The following OSBPL1A variants were observed in gnomAD, a reference collection of about 807,000 sequenced individuals.
The protein encoded by OSBPL1A is oxysterol-binding protein-related protein 1.
Under a neutral mutation model 137.1 loss-of-function variants are expected in OSBPL1A, and 80 were observed. The ratio of observed to expected loss-of-function variants is 0.58; its 90% CI spans 0.49 to 0.70. The LOEUF (loss-of-function observed/expected upper bound fraction) is 0.70. Among genes scored for constraint, OSBPL1A ranks in the 30% least tolerant of loss-of-function variants. The pLI, the probability that OSBPL1A is intolerant of heterozygous loss-of-function variation, is 0.00. For missense variants in OSBPL1A, 970 were observed against 1,129.4 expected (o/e 0.86, Z 2.02); for synonymous variants, 365 against 389.7 (o/e 0.94, Z 0.75).
chr18:24,358,193 G>T, intron 4 of OSBPL1A: 1 of 473,858 alleles, frequency 2.1e-6, no homozygotes, highest in East Asian at 3.4e-5. Flanking sequence ...AGCAACTCCA[G>T]CCTAAGAAGG....
At chr18:24,213,101 T>C (rs531124697) in intron 17 of OSBPL1A, among the ~76,000 whole-genome samples, 13 of 152,322 alleles carry the variant, frequency 8.5e-5, no homozygotes, top group Admixed American at 3.3e-4. Flanking sequence ...CGAGGGTGAC[T>C]CAACAGCTGG....
At chr18:24,391,833 C>T (rs1034691733) in intron 1 of OSBPL1A, among the ~76,000 whole-genome samples, 5 of 152,118 alleles carry the variant, frequency 3.3e-5, no homozygotes, top group East Asian at 1.9e-4. Flanking sequence ...ATCTAAAATA[C>T]GACTGGCACA....
At chr18:24,195,175 C>T (rs903435952) in intron 18 of OSBPL1A, among the ~76,000 whole-genome samples, 1 of 152,030 alleles carries the variant, frequency 6.6e-6, no homozygotes, top group Non-Finnish European at 1.5e-5. Flanking sequence ...GCACGACGCG[C>T]CTGTGGTCCC....
rs776052699 is a variant in OSBPL1A at position 24,225,190 on chromosome 18, A to ACT, written c.1451_1452dup (p.Glu486ProfsTer5). 1 of 1,613,944 alleles carries ACT rather than the reference A, an allele frequency of 6.2e-7. No individual in the cohort carries two copies. The highest frequency in any genetic ancestry group is 2.2e-5 in the East Asian group (1 of 44,872). ...TCCAATCTACTCAGGGACCTTTCGG[A>ACT]CTCGGAATCTGTGGCAGAGCAGGTT... On this transcript the variant is annotated frameshift_variant, in exon 17 of 28. Transcript: ENST00000319481. LOFTEE classifies it high-confidence loss of function.
intron 17 of OSBPL1A, among the ~76,000 whole-genome samples, chr18:24,219,391 G>A (rs892421186): frequency 6.6e-6 from 1 of 152,122 alleles, no homozygotes; most frequent in Non-Finnish European, 1.5e-5. Flanking sequence ...TGGGAATCAA[G>A]GGTTCATTAT....
At chr18:24,367,097 A>C (rs958644698) in intron 3 of OSBPL1A, 131 bp from the exon 4 acceptor site, 5 of 713,120 alleles carry the variant, frequency 7.0e-6, no homozygotes, top group Non-Finnish European at 1.0e-5. Flanking sequence ...AATAAATTAA[A>C]TTTAAAGTAA....
chr18:24,254,549 GA>G (rs2089211096), intron 15 of OSBPL1A, among the ~76,000 whole-genome samples: 1 of 152,104 alleles, frequency 6.6e-6, no homozygotes, highest in Admixed American at 6.6e-5. Context: ...AGGAATTTTG[GA>G]AACTATACAA....
chr18:24,239,423 A>G (rs1330271061), intron 15 of OSBPL1A, 41 bp from the exon 16 acceptor site: 1 of 1,557,604 alleles, frequency 6.4e-7, no homozygotes, highest in Admixed American at 1.7e-5. Flanking sequence ...TCAGAGTGAC[A>G]GGAGACACAG....
In OSBPL1A at chr18:24,164,377, T is replaced by C. The variant is rs368567100; in HGVS notation, c.2750+688A>G. On this transcript the variant is annotated intron_variant, in intron 27 of 27. Transcript: ENST00000319481. ...AGCTCATACACTCGTAGTGAAAATA[T>C]AAATTAGTACAGCCATTATGGAAAA... Among the ~76,000 whole-genome samples the C allele has an allele frequency of 8.3e-4, 124 of 148,862 alleles. 1 individual carries two copies. In the East Asian group the frequency reaches 0.017, roughly 21 times the overall value.
At chr18:24,175,072 A>C (rs2086388617) in intron 21 of OSBPL1A, among the ~76,000 whole-genome samples, 1 of 141,564 alleles carries the variant, frequency 7.1e-6, no homozygotes, top group Non-Finnish European at 1.5e-5. Context: ...AGCCACTGCA[A>C]TCAGCTGACT....
intron 4 of OSBPL1A, among the ~76,000 whole-genome samples, chr18:24,356,537 G>A (rs1202546483): frequency 6.6e-6 from 1 of 152,126 alleles, no homozygotes; most frequent in African/African-American, 2.4e-5. Flanking sequence ...CTGGCTCACG[G>A]TGCGGGTGCT....
chr18:24,376,158 T>G (rs1230763445), intron 2 of OSBPL1A, among the ~76,000 whole-genome samples: 1 of 152,188 alleles, frequency 6.6e-6, no homozygotes, highest in East Asian at 1.9e-4. Flanking sequence ...CCTGCTGTTA[T>G]TCTCTTGTCT....
chr18:24,381,625 T>G (rs1641604329), intron 1 of OSBPL1A, among the ~76,000 whole-genome samples: 1 of 152,202 alleles, frequency 6.6e-6, no homozygotes, highest in Admixed American at 6.5e-5. Flanking sequence ...TTTTAAAATG[T>G]TAGCAATATT....
In OSBPL1A at chr18:24,303,691, C is replaced by A; in HGVS notation, c.1120G>T (p.Asp374Tyr). 6 of 1,613,500 alleles carry A rather than the reference C, an allele frequency of 3.7e-6. No individual in the cohort carries two copies. The highest frequency in any genetic ancestry group is 5.1e-6 in the Non-Finnish European group (6 of 1,179,740). ...TTGAGAAAGTTGGAAATTTCCCTAT[C>A]TAGTCGCTGTTGGCATGACTGTGCT... ...EKAQSCQQRL[D>Y]REISNFLKMI... The change falls in exon 14 of 28, where the codon GAT (aspartate) becomes TAT (tyrosine). Residue 374 changes from aspartate (D) to tyrosine (Y), a missense_variant. Asp to Tyr is a radical substitution (Grantham distance 160). Coordinates refer to ENST00000319481, the MANE Select transcript of OSBPL1A (RefSeq NM_080597.4).
At position 24,346,558 on chromosome 18, in the gene OSBPL1A, C is replaced by A. The variant is rs1003963510; in HGVS notation, c.283-4900G>T. Among the ~76,000 whole-genome samples, 4 of 152,126 alleles carry A rather than the reference C, an allele frequency of 2.6e-5. No individual in the cohort carries two copies. The South Asian group carries it at 8.3e-4, about 32-fold the overall frequency. On this transcript the variant is annotated intron_variant, in intron 4 of 27. Transcript: ENST00000319481. ...ACTCTGGACATTTCTATAAATAAAT[C>A]AAACAATATGTGGCTTTTTGTGTCT... is the stretch of plus-strand genomic sequence containing the variant.
intron 11 of OSBPL1A, among the ~76,000 whole-genome samples, chr18:24,315,453 A>G (rs2090701633): frequency 6.6e-6 from 1 of 151,614 alleles, no homozygotes; most frequent in South Asian, 2.1e-4. Context: ...CACATAGCTC[A>G]TAATCCAAAC....
intron 14 of OSBPL1A, 124 bp downstream of exon 14, chr18:24,303,513 T>C (rs2090442972): frequency 1.5e-6 from 1 of 671,432 alleles, no homozygotes; most frequent in Non-Finnish European, 2.4e-6. Context: ...TTCAAAATAG[T>C]TTTATCAAAT....
intron 14 of OSBPL1A, among the ~76,000 whole-genome samples, chr18:24,286,388 G>A (rs2090067553): frequency 6.6e-6 from 1 of 152,030 alleles, no homozygotes. Context: ...TGACTACCTT[G>A]AATACAATCA....
intron 17 of OSBPL1A, among the ~76,000 whole-genome samples, chr18:24,203,388 AC>A (rs2087273922): frequency 6.6e-6 from 1 of 151,806 alleles, no homozygotes; most frequent in Non-Finnish European, 1.5e-5. Context: ...TCCTTTCCAC[AC>A]CCCCTCTTCA....
Sources: gnomAD v4.1 joint callset for allele counts (sites outside exome capture counted in the v4.1 genomes callset) on GRCh38, gnomAD v4.1.1 for gene constraint, MANE v1.5 for transcripts, NCBI Gene and HGNC (gene_info 2026-07-23, HGNC 2026-07-21) for gene names.